Variants in ZNF385C observed in about 807,000 individuals in gnomAD.
The protein encoded by ZNF385C is CTD-2132N18.2.
In ZNF385C, 28 loss-of-function variants were observed where a neutral mutation model predicts 35.4. The ratio of observed to expected loss-of-function variants is 0.79; its 90% CI spans 0.59 to 1.08. The LOEUF (loss-of-function observed/expected upper bound fraction) is 1.08, where lower values mean the gene tolerates loss of function less well. ZNF385C is among the 50% of genes least tolerant of loss of function. The pLI is 0.00. For missense variants in ZNF385C, 605 were observed against 595.6 expected, an observed-to-expected ratio of 1.02 and a Z score of -0.16; for synonymous variants, 248 against 248.2, an observed-to-expected ratio of 1.00 and a Z score of 0.01.
At chr17:42,030,554 C>T (rs1207694097) in intron 5 of ZNF385C, among the ~76,000 whole-genome samples, 1 of 152,048 alleles carries the variant, frequency 6.6e-6, no homozygotes, top group Non-Finnish European at 1.5e-5. Context: ...CCCCTGCACA[C>T]TCTATGTTTC....
intron 2 of ZNF385C, among the ~76,000 whole-genome samples, chr17:42,048,070 T>C (rs574979000): frequency 6.6e-6 from 1 of 152,224 alleles, no homozygotes; most frequent in South Asian, 2.1e-4. Flanking sequence ...CATCACTCCT[T>C]GGCCTCTGGA....
Position 42,072,894 on chromosome 17 carries a change from A to C in ZNF385C, c.-2-9836T>G, listed in dbSNP as rs561839830. ...AGGCCCAGCGTACCTGAGGGCTCCCAAGGTGTCCCAGAGCTCAGGGAAGGG... is the reference window on the plus strand; with the variant it reads ...AGGCCCAGCGTACCTGAGGGCTCCCCAGGTGTCCCAGAGCTCAGGGAAGGG... On this transcript the variant is annotated intron_variant, in intron 1 of 8. Transcript: ENST00000692273. 2.9e-3 allele frequency among the ~76,000 whole-genome samples: 448 copies of C among 152,040 alleles called. 1 individual carries two copies. Among genetic ancestry groups the C allele is most frequent in the African/African-American group, 0.01 (432 of 41,466 alleles).
intron 3 of ZNF385C, among the ~76,000 whole-genome samples, chr17:42,034,759 G>A (rs2052806163): frequency 6.7e-6 from 1 of 149,730 alleles, no homozygotes. Context: ...ACTCCAGCCT[G>A]GGCAACAAGA....
At chr17:42,067,877 G>A (rs1462371709) in intron 1 of ZNF385C, among the ~76,000 whole-genome samples, 1 of 152,298 alleles carries the variant, frequency 6.6e-6, no homozygotes, top group East Asian at 1.9e-4. Flanking sequence ...TGCCTGCCCC[G>A]CCAGCATGGG....
At chr17:42,076,378 T>C (rs2053685370) in intron 1 of ZNF385C, among the ~76,000 whole-genome samples, 1 of 151,302 alleles carries the variant, frequency 6.6e-6, no homozygotes, top group African/African-American at 2.4e-5. Context: ...TCCCAGCACT[T>C]TGGGAGGCCG....
rs138744351 is a variant in ZNF385C at position 42,069,699 on chromosome 17, C to T, written c.-2-6641G>A. Among the ~76,000 whole-genome samples, 689 of 152,368 alleles carry T rather than the reference C, an allele frequency of 4.5e-3. 5 individuals carry two copies. The highest frequency in any genetic ancestry group is 0.016 in the African/African-American group (671 of 41,582). On this transcript the variant is annotated intron_variant, in intron 1 of 8. Transcript: ENST00000692273. ...CCCAGACCAGGCCAGGCTGGCTGGC[C>T]GGCCAAACTTGGGCCAGACCCTGCC...
intron 1 of ZNF385C, among the ~76,000 whole-genome samples, chr17:42,082,739 C>T (rs2053761648): frequency 6.6e-6 from 1 of 152,116 alleles, no homozygotes; most frequent in African/African-American, 2.4e-5. Context: ...TTGAGACCAG[C>T]CTGGGCAACA....
At chr17:42,096,092 G>A (rs1330221322) in intron 1 of ZNF385C, among the ~76,000 whole-genome samples, 1 of 152,084 alleles carries the variant, frequency 6.6e-6, no homozygotes, top group African/African-American at 2.4e-5. Context: ...TCGCACCCTG[G>A]CCACCCCCCT....
intron 2 of ZNF385C, chr17:42,040,629 C>A (rs2052995366): frequency 8.1e-7 from 1 of 1,232,372 alleles, no homozygotes; most frequent in Non-Finnish European, 1.0e-6. Context: ...CCAGGCCAGG[C>A]CAGGCCTCGG....
chr17:42,085,672 A>G (rs1272829141), intron 1 of ZNF385C, among the ~76,000 whole-genome samples: 1 of 144,866 alleles, frequency 6.9e-6, no homozygotes, highest in Non-Finnish European at 1.5e-5. Context: ...ATCTCGGCTC[A>G]CTGCAACCTC....
intron 1 of ZNF385C, among the ~76,000 whole-genome samples, chr17:42,077,396 G>A (rs1411604647): frequency 2.0e-5 from 3 of 152,146 alleles, no homozygotes; most frequent in Non-Finnish European, 2.9e-5. Flanking sequence ...TTTAGAGAGA[G>A]GGACATTGAG....
chr17:42,086,578 T>C (rs1598205881), intron 1 of ZNF385C, among the ~76,000 whole-genome samples: 1 of 150,950 alleles, frequency 6.6e-6, no homozygotes, highest in Non-Finnish European at 1.5e-5. Flanking sequence ...GGCGTGCGCC[T>C]GTCATTCCAG....
At chr17:42,082,166 G>A (rs1256979081) in intron 1 of ZNF385C, among the ~76,000 whole-genome samples, 2 of 152,144 alleles carry the variant, frequency 1.3e-5, no homozygotes, top group African/African-American at 2.4e-5. Context: ...CCTGTTCCAT[G>A]GCGTGCTTCA....
Position 42,039,048 on chromosome 17 carries a change from CG to C in ZNF385C, c.251-1164del, listed in dbSNP as rs1453165601. ...GGTGGATCACTTGAGGTCAGGAGTT[CG>C]AGACCAGCCTGGCCAACATGGTGAA... On this transcript the variant is annotated intron_variant, in intron 2 of 8. Coordinates refer to ENST00000692273, the MANE Select transcript of ZNF385C (RefSeq NM_001392013.1). 7 of 152,238 alleles carry C rather than the reference CG, an allele frequency of 4.6e-5. No homozygotes were observed. In the East Asian group the frequency reaches 1.4e-3, roughly 29 times the overall value. 9.4% of individuals were successfully genotyped at this position (152,238 alleles called of 1,614,324 possible). A position where few individuals can be genotyped will look rare whatever the true frequency, so the allele number is the denominator to read the frequency against.
intron 2 of ZNF385C, chr17:42,039,549 G>C: frequency 1.6e-6 from 1 of 612,914 alleles, no homozygotes; most frequent in Non-Finnish European, 2.4e-6. Flanking sequence ...GGGTGGGGGG[G>C]GTTGGTGGGA....
intron 5 of ZNF385C, among the ~76,000 whole-genome samples, chr17:42,030,380 T>C (rs1348508942): frequency 6.6e-6 from 1 of 151,932 alleles, no homozygotes; most frequent in Admixed American, 6.6e-5. Flanking sequence ...CCCAGCTACT[T>C]GGAAGGCTGA....
At position 42,026,821 on chromosome 17, in the gene ZNF385C, G is replaced by A. The variant is rs78965599; in HGVS notation, c.*76C>T. On this transcript the variant is annotated 3_prime_UTR_variant, in exon 9 of 9. Coordinates refer to ENST00000692273, the MANE Select transcript of ZNF385C (RefSeq NM_001392013.1). Reference sequence around the variant, plus strand: ...CTGTTCACAGTCCCTGTGGCATGTAGGAAACCAAGGTGTCTCAGGACAGGA... The same window carrying A: ...CTGTTCACAGTCCCTGTGGCATGTAAGAAACCAAGGTGTCTCAGGACAGGA... The A allele has an allele frequency of 4.7e-3, 6,582 of 1,414,130 alleles. 220 individuals are homozygous for A. The East Asian group carries it at 0.094, about 20-fold the overall frequency. 87.6% of individuals were successfully genotyped at this position (1,414,130 alleles called of 1,614,324 possible).
chr17:42,067,297 G>A (rs1336439013), intron 1 of ZNF385C, among the ~76,000 whole-genome samples: 1 of 152,138 alleles, frequency 6.6e-6, no homozygotes, highest in Non-Finnish European at 1.5e-5. Flanking sequence ...AACTTCTACT[G>A]TTTAAGTGCC....
At chr17:42,038,025 A>G (rs1449433630) in intron 2 of ZNF385C, 140 bp from the exon 3 acceptor site, 2 of 1,536,082 alleles carry the variant, frequency 1.3e-6, no homozygotes, top group African/African-American at 2.7e-5. Context: ...AGCCAGACCC[A>G]TAGTGATTAT....
Sources: allele counts gnomAD v4.1 joint callset (sites outside exome capture counted in the v4.1 genomes callset), GRCh38; gene constraint gnomAD v4.1.1; transcripts MANE v1.5; gene names NCBI Gene and HGNC (gene_info 2026-07-23, HGNC 2026-07-21).